CSMD1: variants seen among roughly 807,000 people sequenced by gnomAD.
CSMD1 encodes the protein CUB and Sushi multiple domains 1.
In CSMD1, 213 loss-of-function variants were observed where a neutral mutation model predicts 417.5. That is an observed-to-expected ratio of 0.51 (90% CI 0.46 to 0.57). CSMD1 has a LOEUF of 0.57. CSMD1 is among the 20% of genes least tolerant of loss of function. The pLI is 0.00. For synonymous variants in CSMD1, 2,862 were observed against 1,736.8 expected (o/e 1.65, Z -16.11); for missense variants, 6,923 against 4,529.7 (o/e 1.53, Z -15.17).
At chr8:2,965,585 G>C (rs1340910395) in intron 59 of CSMD1, among the ~76,000 whole-genome samples, 190 bp downstream of exon 59, 2 of 152,132 alleles carry the variant, frequency 1.3e-5, no homozygotes, top group Admixed American at 1.3e-4. Flanking sequence ...CTCGCTATGA[G>C]TTAGTTTTTC....
At chr8:3,976,138 T>G (rs376087449) in intron 5 of CSMD1, among the ~76,000 whole-genome samples, 1 of 152,084 alleles carries the variant, frequency 6.6e-6, no homozygotes, top group East Asian at 1.9e-4. Context: ...TAGTAGAAAT[T>G]CTACACCAAG....
intron 1 of CSMD1, among the ~76,000 whole-genome samples, chr8:4,967,764 G>C (rs1036539873): frequency 6.6e-6 from 1 of 152,116 alleles, no homozygotes; most frequent in Non-Finnish European, 1.5e-5. Context: ...CTTGTGTCAT[G>C]TGACTTACGT....
intron 37 of CSMD1, among the ~76,000 whole-genome samples, chr8:3,177,277 T>C (rs562296035): frequency 7.9e-5 from 12 of 152,252 alleles, no homozygotes; most frequent in Admixed American, 1.3e-4. Context: ...CACAGGCCTC[T>C]ATCAGGGGGC....
chr8:4,036,752 G>A (rs972635719), intron 3 of CSMD1, among the ~76,000 whole-genome samples: 2 of 152,298 alleles, frequency 1.3e-5, no homozygotes, highest in African/African-American at 2.4e-5. Context: ...TTTTACACCA[G>A]GTCCTCAAAT....
At chr8:4,488,688 G>GT (rs1017749782) in intron 2 of CSMD1, among the ~76,000 whole-genome samples, 30 of 151,698 alleles carry the variant, frequency 2.0e-4, no homozygotes, top group African/African-American at 7.0e-4. Flanking sequence ...TGGCGGTGGG[G>GT]GGGGTGAAAA....
At chr8:3,133,500 T>C (rs1474066366) in intron 41 of CSMD1, among the ~76,000 whole-genome samples, 2 of 152,224 alleles carry the variant, frequency 1.3e-5, no homozygotes, top group East Asian at 1.9e-4. Flanking sequence ...GGCAATCCTG[T>C]TACTGTTACA....
At position 4,746,995 on chromosome 8, in the gene CSMD1, G is replaced by C. The variant is rs115338539; in HGVS notation, c.86-109437C>G. 6.2e-3 allele frequency among the ~76,000 whole-genome samples: 938 copies of C among 152,224 alleles called. 13 individuals carry two copies. The highest frequency in any genetic ancestry group is 0.022 in the African/African-American group (895 of 41,556). ...GAACAGGAATAATTTCTCAAGCAGG[G>C]AACTCGTGAGAAGGCGGTTCAGAGA... On this transcript the variant is annotated intron_variant, in intron 1 of 69. Transcript: ENST00000635120.
At chr8:3,139,819 A>G (rs1421039355) in intron 41 of CSMD1, among the ~76,000 whole-genome samples, 1 of 152,154 alleles carries the variant, frequency 6.6e-6, no homozygotes, top group South Asian at 2.1e-4. Context: ...TTCTCTAAAT[A>G]ATGTCTCTGA....
intron 2 of CSMD1, among the ~76,000 whole-genome samples, chr8:4,464,582 T>C (rs1800041313): frequency 6.6e-6 from 1 of 152,096 alleles, no homozygotes; most frequent in Admixed American, 6.6e-5. Context: ...CAACGGGTGG[T>C]TTCTACTGAA....
chr8:4,294,793 C>A (rs531859582), intron 3 of CSMD1, among the ~76,000 whole-genome samples: 1 of 151,780 alleles, frequency 6.6e-6, no homozygotes, highest in South Asian at 2.1e-4. Context: ...AAATAAAAAC[C>A]TGGAAAAAAG....
rs75891990 is a variant in CSMD1, at chr8:4,045,738, C to T, written c.416-13639G>A. Among the ~76,000 whole-genome samples the T allele has an allele frequency of 2.7e-3, 414 of 152,304 alleles. 1 individual carries two copies. Among genetic ancestry groups the T allele is most frequent in the Non-Finnish European group, 4.3e-3 (295 of 68,028 alleles). ...CAAAGACTAAAATAAAACGTGTGAA[C>T]ACCAGTGAACTGTGAAACACAAAGA... is the stretch of plus-strand genomic sequence containing the variant. On this transcript the variant is annotated intron_variant, in intron 3 of 69. Coordinates refer to ENST00000635120, the MANE Select transcript of CSMD1 (RefSeq NM_033225.6).
intron 1 of CSMD1, among the ~76,000 whole-genome samples, chr8:4,661,152 A>C (rs1585409420): frequency 1.3e-5 from 2 of 152,332 alleles, no homozygotes; most frequent in East Asian, 3.9e-4. Flanking sequence ...ATTCACACAA[A>C]AACCTGCACA....
At chr8:4,418,912 C>G (rs1167934081) in intron 3 of CSMD1, among the ~76,000 whole-genome samples, 1 of 152,122 alleles carries the variant, frequency 6.6e-6, no homozygotes, top group Non-Finnish European at 1.5e-5. Flanking sequence ...CAGCATTATT[C>G]CACACGTAAC....
chr8:4,761,867 C>T (rs748742188), intron 1 of CSMD1, among the ~76,000 whole-genome samples: 2 of 87,772 alleles, frequency 2.3e-5, no homozygotes, highest in South Asian at 4.4e-4. Flanking sequence ...ATCTATCTAT[C>T]TATCTATCTA....
intron 21 of CSMD1, among the ~76,000 whole-genome samples, chr8:3,350,659 C>A (rs1034482945): frequency 2.0e-5 from 3 of 152,080 alleles, no homozygotes; most frequent in Non-Finnish European, 4.4e-5. Flanking sequence ...AAATAGGTCA[C>A]CGATTAATTG....
chr8:3,977,914 T>C (rs183059980), intron 5 of CSMD1, among the ~76,000 whole-genome samples: 7 of 152,322 alleles, frequency 4.6e-5, no homozygotes, highest in African/African-American at 1.4e-4. Context: ...TCCAATTTCA[T>C]GTCAGCCACA....
intron 3 of CSMD1, among the ~76,000 whole-genome samples, chr8:4,411,158 T>G (rs1796632545): frequency 6.6e-6 from 1 of 152,154 alleles, no homozygotes; most frequent in Non-Finnish European, 1.5e-5. Flanking sequence ...CTTTCCTTTA[T>G]AAATTACCCA....
At chr8:3,446,885 T>A (rs1045470078) in intron 12 of CSMD1, among the ~76,000 whole-genome samples, 1 of 152,172 alleles carries the variant, frequency 6.6e-6, no homozygotes, top group East Asian at 1.9e-4. Flanking sequence ...CTTTAAGAAC[T>A]TGTAAGAGAA....
chr8:3,977,264 C>T lies in CSMD1; in HGVS notation c.818+20639G>A, dbSNP rs562094240. Among the ~76,000 whole-genome samples, 15 of 152,296 alleles carry T rather than the reference C, an allele frequency of 9.8e-5. No homozygotes were observed. In the South Asian group the frequency reaches 3.1e-3, roughly 32 times the overall value. ...ATTCCACCTATGATAATTTCCCACACTATGATCCAAGGAGATTGTGGGTTC... is the reference window on the plus strand; with the variant it reads ...ATTCCACCTATGATAATTTCCCACATTATGATCCAAGGAGATTGTGGGTTC... On this transcript the variant is annotated intron_variant, in intron 5 of 69. Transcript: ENST00000635120.
Sources: gnomAD v4.1 joint callset for allele counts (sites outside exome capture counted in the v4.1 genomes callset) on GRCh38, gnomAD v4.1.1 for gene constraint, MANE v1.5 for transcripts, NCBI Gene and HGNC (gene_info 2026-07-23, HGNC 2026-07-21) for gene names.